Variants in BRD10 observed in about 807,000 individuals in gnomAD.
BRD10 encodes the protein bromodomain containing 10.
chr9:5,922,080 C>G, the BRD10 span: 1,922 of 1,613,986 alleles, frequency 1.2e-3, 9 homozygotes, highest in Middle Eastern at 9.4e-3. Flanking sequence ...CTTGAAGATA[C>G]AGTATTGGGT....
chr9:5,888,684 A>C, the BRD10 span, among the ~76,000 whole-genome samples: 1 of 152,264 alleles, frequency 6.6e-6, no homozygotes. Context: ...GACAACGACC[A>C]GTTGAGAACA....
At chr9:5,906,972 C>G in the BRD10 span, 2 of 1,599,490 alleles carry the variant, frequency 1.3e-6, no homozygotes, top group Non-Finnish European at 1.7e-6. Context: ...CAAAGTGTCT[C>G]TTCAAGAGAA....
the BRD10 span, among the ~76,000 whole-genome samples, chr9:5,982,646 G>A: frequency 2.0e-5 from 3 of 152,142 alleles, no homozygotes; most frequent in Non-Finnish European, 2.9e-5. Flanking sequence ...CCTGACCTTG[G>A]ACTTCACATC....
chr9:5,913,969 A>C, the BRD10 span: 6 of 449,254 alleles, frequency 1.3e-5, no homozygotes, highest in African/African-American at 1.2e-4. Context: ...TCTTGGAAAG[A>C]AGCACTTTCT....
chr9:5,924,956 C>A, the BRD10 span: 2 of 764,400 alleles, frequency 2.6e-6, no homozygotes, highest in Non-Finnish European at 3.7e-6. Flanking sequence ...TATTAAGTCA[C>A]TAGAAATGCT....
At chr9:5,992,537 AAAC>A in the BRD10 span, among the ~76,000 whole-genome samples, 1 of 152,184 alleles carries the variant, frequency 6.6e-6, no homozygotes, top group African/African-American at 2.4e-5. Context: ...CATTGCAAAA[AAAC>A]ACACTAAAAT....
chr9:5,963,566 A>C, the BRD10 span, among the ~76,000 whole-genome samples: 36 of 151,548 alleles, frequency 2.4e-4, no homozygotes, highest in African/African-American at 8.7e-4. Context: ...TTTAAAGTTC[A>C]TATGGAACCA....
chr9:5,975,954 C>G, the BRD10 span, among the ~76,000 whole-genome samples: 1 of 152,164 alleles, frequency 6.6e-6, no homozygotes, highest in Non-Finnish European at 1.5e-5. Flanking sequence ...CAGAGCTTCC[C>G]TATCAGTGGA....
the BRD10 span, among the ~76,000 whole-genome samples, chr9:5,948,831 T>C: frequency 6.6e-6 from 1 of 152,178 alleles, no homozygotes; most frequent in African/African-American, 2.4e-5. Flanking sequence ...ATGCATGGTA[T>C]AAATTCAAAA....
At chr9:5,927,085 T>C in the BRD10 span, among the ~76,000 whole-genome samples, 1 of 152,154 alleles carries the variant, frequency 6.6e-6, no homozygotes, top group African/African-American at 2.4e-5. Context: ...ATCTATAAGA[T>C]TGGAATGAAA....
the BRD10 span, among the ~76,000 whole-genome samples, chr9:5,916,331 C>G: frequency 7.0e-4 from 107 of 152,102 alleles, no homozygotes; most frequent in Non-Finnish European, 8.5e-4. Flanking sequence ...GGTTGATCTA[C>G]TGGATCAAGC....
chr9:5,985,418 G>C, the BRD10 span, among the ~76,000 whole-genome samples: 300 of 152,232 alleles, frequency 2.0e-3, no homozygotes, highest in African/African-American at 6.8e-3. Flanking sequence ...CAAAAACACT[G>C]AAAATGAAGG....
At chr9:5,904,988 T>C in the BRD10 span, among the ~76,000 whole-genome samples, 2 of 152,128 alleles carry the variant, frequency 1.3e-5, no homozygotes, top group East Asian at 3.9e-4. Flanking sequence ...TTAGCCAGGA[T>C]GGTCTCAATC....
the BRD10 span, among the ~76,000 whole-genome samples, chr9:5,917,391 G>T: frequency 6.6e-6 from 1 of 152,224 alleles, no homozygotes; most frequent in Non-Finnish European, 1.5e-5. Flanking sequence ...CAGTGAACAA[G>T]AGGGAGAACA....
chr9:5,889,274 C>T, the BRD10 span, among the ~76,000 whole-genome samples: 35 of 152,292 alleles, frequency 2.3e-4, no homozygotes, highest in East Asian at 1.9e-3. Flanking sequence ...GCCTCATCTG[C>T]CATATTCACC....
chr9:5,933,206 T>A, the BRD10 span, among the ~76,000 whole-genome samples: 1 of 152,226 alleles, frequency 6.6e-6, no homozygotes, highest in Non-Finnish European at 1.5e-5. Context: ...TAAACAAGTA[T>A]GTGAACACAG....
At chr9:6,001,754 T>C in the BRD10 span, among the ~76,000 whole-genome samples, 2 of 152,298 alleles carry the variant, frequency 1.3e-5, no homozygotes, top group African/African-American at 4.8e-5. Context: ...TAATAAAATA[T>C]TTTTAATCCC....
chr9:5,966,660 A>G, the BRD10 span, among the ~76,000 whole-genome samples: 115 of 151,962 alleles, frequency 7.6e-4, no homozygotes, highest in Admixed American at 6.0e-3. Context: ...GGGTTTCACC[A>G]TATTGGCCAG....
At chr9:5,896,168 C>T in the BRD10 span, among the ~76,000 whole-genome samples, 2 of 152,300 alleles carry the variant, frequency 1.3e-5, no homozygotes, top group East Asian at 3.9e-4. Flanking sequence ...GGTTGTGCAG[C>T]CCTGGGCACT....
Sources: allele counts gnomAD v4.1 joint callset (sites outside exome capture counted in the v4.1 genomes callset), GRCh38; gene constraint gnomAD v4.1.1; transcripts MANE v1.5; gene names NCBI Gene and HGNC (gene_info 2026-07-23, HGNC 2026-07-21).